Variants in LTBP1 observed in about 807,000 individuals in gnomAD.
The protein encoded by LTBP1 is latent transforming growth factor beta binding protein 1, also known as latent-transforming growth factor beta-binding protein 1.
A neutral mutation model predicts 207.6 loss-of-function variants in LTBP1; 129 were observed. The observed-to-expected ratio is 0.62, with a 90% CI of 0.54 to 0.72. The LOEUF is 0.72. Ranked by LOEUF, LTBP1 falls within the 30% of genes least tolerant of loss-of-function variation. The probability of loss-of-function intolerance (pLI) is 0.00; values close to 1 mark genes in which losing one functional copy is unlikely to be tolerated. For synonymous variants in LTBP1, 963 were observed against 833.7 expected, an observed-to-expected ratio of 1.16 and a Z score of -2.67; for missense variants, 2,281 against 2,217.2, an observed-to-expected ratio of 1.03 and a Z score of -0.58.
At chr2:33,313,911 T>C (rs1009056421) in intron 23 of LTBP1, among the ~76,000 whole-genome samples, 3 of 152,144 alleles carry the variant, frequency 2.0e-5, no homozygotes, top group African/African-American at 7.2e-5. Flanking sequence ...TCAGAACCAT[T>C]GTGAACAGGT....
chr2:33,391,196 C>T (rs2095311557), intron 32 of LTBP1, among the ~76,000 whole-genome samples: 1 of 151,524 alleles, frequency 6.6e-6, no homozygotes, highest in Admixed American at 6.6e-5. Context: ...TGTGTAACTC[C>T]CACCCAGGCC....
intron 3 of LTBP1, among the ~76,000 whole-genome samples, chr2:33,108,870 C>T (rs2080225860): frequency 6.6e-6 from 1 of 152,190 alleles, no homozygotes; most frequent in African/African-American, 2.4e-5. Context: ...TCTATCCCAA[C>T]CAAACACACT....
At chr2:32,980,081 T>C (rs1217869771) in intron 2 of LTBP1, among the ~76,000 whole-genome samples, 1 of 152,118 alleles carries the variant, frequency 6.6e-6, no homozygotes, top group Non-Finnish European at 1.5e-5. Flanking sequence ...GTGTGTTTCT[T>C]ATAGGCAACA....
At position 33,074,786 on chromosome 2, in the gene LTBP1, C is replaced by T. The variant is rs969297963; in HGVS notation, c.864-35796C>T. Among the ~76,000 whole-genome samples the T allele has an allele frequency of 3.3e-5, 5 of 150,448 alleles. 1 individual carries two copies. The East Asian group carries it at 9.7e-4, about 29-fold the overall frequency. ...TCGGGAGGCTGAGGCAGGAGAATGG[C>T]GTGAACCGAGGAGGTGGAGGTTGCA... On this transcript the variant is annotated intron_variant, in intron 3 of 33. Coordinates refer to ENST00000404816, the MANE Select transcript of LTBP1 (RefSeq NM_206943.4).
intron 15 of LTBP1, among the ~76,000 whole-genome samples, chr2:33,273,360 T>C (rs932693096): frequency 1.3e-5 from 2 of 152,236 alleles, no homozygotes; most frequent in Non-Finnish European, 2.9e-5. Flanking sequence ...GTTTTATTAA[T>C]AATTGATTTT....
intron 7 of LTBP1, among the ~76,000 whole-genome samples, chr2:33,192,955 G>A (rs1363574821): frequency 3.3e-5 from 5 of 152,080 alleles, no homozygotes; most frequent in Non-Finnish European, 7.3e-5. Context: ...GCATTCATGA[G>A]GGAAGACCCT....
chr2:32,958,263 A>G (rs899456280), intron 2 of LTBP1, among the ~76,000 whole-genome samples: 20 of 152,182 alleles, frequency 1.3e-4, no homozygotes, highest in African/African-American at 4.8e-4. Flanking sequence ...ACGGGGCTGC[A>G]TTAGGTAATA....
rs377603794 is a variant in LTBP1 at position 33,244,695 on chromosome 2, A to ATCCTGGACTCAAG, written c.1999+912_1999+913insCCTGGACTCAAGT. On this transcript the variant is annotated intron_variant, in intron 10 of 33. Transcript: ENST00000404816. Reference sequence around the variant, plus strand: ...GCTATGTTGCCTAGGCTGGACTCAAATGATCACTGTTCAGCCTGCTGAGTA... The same window carrying ATCCTGGACTCAAG: ...GCTATGTTGCCTAGGCTGGACTCAAATCCTGGACTCAAGTGATCACTGTTCAGCCTGCTGAGTA... Among the ~76,000 whole-genome samples, 1,164 of 152,276 alleles carry ATCCTGGACTCAAG rather than the reference A, an allele frequency of 7.6e-3. 6 individuals carry two copies. Among genetic ancestry groups the ATCCTGGACTCAAG allele is most frequent in the African/African-American group, 0.025 (1,036 of 41,560 alleles).
chr2:33,298,655 T>G (rs563025188), intron 20 of LTBP1, among the ~76,000 whole-genome samples: 1 of 152,350 alleles, frequency 6.6e-6, no homozygotes, highest in Admixed American at 6.5e-5. Context: ...TTGAAAGGTA[T>G]AAAATAATCT....
At chr2:33,196,187 C>T (rs1230074177) in intron 7 of LTBP1, among the ~76,000 whole-genome samples, 1 of 152,028 alleles carries the variant, frequency 6.6e-6, no homozygotes, top group African/African-American at 2.4e-5. Flanking sequence ...TGAGATATTG[C>T]CCGTAGTTTC....
At chr2:33,309,396 T>G (rs749231811) in intron 22 of LTBP1, 38 bp from the exon 23 acceptor site, 34 of 1,492,316 alleles carry the variant, frequency 2.3e-5, no homozygotes, top group Non-Finnish European at 3.0e-5. Context: ...CGATATGTGA[T>G]TTATTTAGTC....
chr2:33,311,711 C>A (rs1391681252), intron 23 of LTBP1, among the ~76,000 whole-genome samples: 1 of 152,098 alleles, frequency 6.6e-6, no homozygotes, highest in East Asian at 1.9e-4. Flanking sequence ...AATTTAACTT[C>A]TAGAGTTCAG....
intron 2 of LTBP1, among the ~76,000 whole-genome samples, chr2:32,993,625 G>T (rs948910229): frequency 6.6e-6 from 1 of 152,212 alleles, no homozygotes; most frequent in Non-Finnish European, 1.5e-5. Flanking sequence ...CCACAGGTTG[G>T]CTGTATTGAG....
At chr2:33,101,614 T>C (rs1261480510) in intron 3 of LTBP1, among the ~76,000 whole-genome samples, 2 of 152,250 alleles carry the variant, frequency 1.3e-5, no homozygotes, top group Non-Finnish European at 2.9e-5. Context: ...AGTCTCGTGA[T>C]TGGCATTTCC....
At chr2:33,318,420 A>G (rs1431816175) in intron 24 of LTBP1, among the ~76,000 whole-genome samples, 2 of 152,178 alleles carry the variant, frequency 1.3e-5, no homozygotes, top group South Asian at 2.1e-4. Context: ...AAAACATACA[A>G]TTCTTGCCTC....
At chr2:33,308,394 T>G (rs2094131490) in intron 22 of LTBP1, among the ~76,000 whole-genome samples, 1 of 152,240 alleles carries the variant, frequency 6.6e-6, no homozygotes, top group African/African-American at 2.4e-5. Flanking sequence ...CAAACCTGTT[T>G]GTTACAGCTG....
rs190344076 is a variant in LTBP1 at position 33,162,929 on chromosome 2, G to A, written c.1202-23927G>A. Among the ~76,000 whole-genome samples, 17 of 152,314 alleles carry A rather than the reference G, an allele frequency of 1.1e-4. No homozygotes were observed. In the East Asian group the frequency reaches 3.3e-3, roughly 29 times the overall value. On this transcript the variant is annotated intron_variant, in intron 5 of 33. Transcript: ENST00000404816. ...AAGGCAAAGGGCTCTGGGAAAGAGA[G>A]TAAGAAAGTGTTCCTTTTAGATCTG...
chr2:33,210,813 T>C (rs1367649054), intron 7 of LTBP1, among the ~76,000 whole-genome samples: 1 of 152,246 alleles, frequency 6.6e-6, no homozygotes, highest in Non-Finnish European at 1.5e-5. Context: ...GTTCCATCTC[T>C]TTGGAATCTC....
chr2:33,272,505 A>C (rs1390617798), intron 15 of LTBP1, among the ~76,000 whole-genome samples: 1 of 152,254 alleles, frequency 6.6e-6, no homozygotes, highest in Non-Finnish European at 1.5e-5. Flanking sequence ...ATATATTCTT[A>C]AATGACTTCA....
Sources: allele counts gnomAD v4.1 joint callset (sites outside exome capture counted in the v4.1 genomes callset), GRCh38; gene constraint gnomAD v4.1.1; transcripts MANE v1.5; gene names NCBI Gene and HGNC (gene_info 2026-07-23, HGNC 2026-07-21).